Variants in DENND2B observed in about 807,000 individuals in gnomAD.
The protein encoded by DENND2B is DENN domain containing 2B, also known as DENN domain-containing protein 2B.
A neutral mutation model predicts 116.0 loss-of-function variants in DENND2B; 32 were observed. The observed-to-expected ratio is 0.28, with a 90% CI of 0.21 to 0.37. The LOEUF is 0.37. Among genes scored for constraint, DENND2B ranks in the 10% least tolerant of loss-of-function variants. The pLI is 1.00. For synonymous variants in DENND2B, 588 were observed against 583.9 expected, an observed-to-expected ratio of 1.01 and a Z score of -0.10; for missense variants, 1,276 against 1,477.7, an observed-to-expected ratio of 0.86 and a Z score of 2.24.
chr11:8,718,021 C>T (rs867517095), intron 4 of DENND2B, 129 bp from the exon 5 acceptor site: 43 of 1,034,478 alleles, frequency 4.2e-5, no homozygotes, highest in Middle Eastern at 2.4e-4. Context: ...CCCCTCAGCT[C>T]ATGAGTCATG....
upstream of DENND2B, among the ~76,000 whole-genome samples, chr11:8,874,664 T>G (rs182758282): frequency 6.6e-6 from 1 of 152,090 alleles, no homozygotes; most frequent in Non-Finnish European, 1.5e-5. Flanking sequence ...CTCATTCCTA[T>G]AATGCCATTA....
chr11:8,771,560 A>AGAGAGAGAGAGAGAGAGAGAGAGC (rs1173659150), intron 1 of DENND2B: 5 of 149,608 alleles, frequency 3.3e-5, no homozygotes, highest in Admixed American at 6.7e-5. Context: ...AGAGAGAGAG[A>AGAGAGAGAGAGAGAGAGAGAGAGC]GAGAGAGCCT....
intron 4 of DENND2B, among the ~76,000 whole-genome samples, chr11:8,825,833 G>A (rs2061957435): frequency 1.3e-5 from 2 of 152,136 alleles, no homozygotes; most frequent in African/African-American, 4.8e-5. Context: ...GTCAACTGAT[G>A]AGCAAATGTG....
intron 1 of DENND2B, among the ~76,000 whole-genome samples, chr11:8,885,472 A>G (rs2063950435): frequency 6.6e-6 from 1 of 152,190 alleles, no homozygotes; most frequent in Non-Finnish European, 1.5e-5. Context: ...ATCTTTCCAC[A>G]CCTCAAGCTT....
chr11:8,718,895 G>A (rs1399719598), intron 4 of DENND2B: 8 of 993,434 alleles, frequency 8.1e-6, no homozygotes, highest in Non-Finnish European at 9.6e-6. Context: ...CCATGGGCCG[G>A]GTCAGTCCTA....
rs1258045916 is a variant in DENND2B, at chr11:8,730,970, G to A, written c.320C>T (p.Ser107Leu). The change falls in exon 3 of 20, where the codon TCG becomes TTG. Residue 107 changes from serine (S) to leucine (L), a missense_variant. This residue lies in a region of DENND2B where 856 missense variants were observed against 846.6 expected (regional missense o/e 1.01). Coordinates refer to ENST00000313726, the MANE Select transcript of DENND2B (RefSeq NM_213618.2). This position sits in a 1 kb window ranked among gnomAD's most constrained non-coding sequence, Gnocchi z 4.1. ...ASFGYLDRSPSACKRDAQKES... is the reference protein window; with the variant it reads ...ASFGYLDRSPLACKRDAQKES... ...CTTTTGGGCGTCTCTCTTGCACGCC[G>A]AAGGGCTTCTGTCCAAATAACCGAA... The A allele has an allele frequency of 3.1e-6, 5 of 1,614,236 alleles. No individual in the cohort carries two copies. The highest frequency in any genetic ancestry group is 2.2e-5 in the East Asian group (1 of 44,866).
At chr11:8,738,474 CAG>C (rs2049527531) in intron 2 of DENND2B, among the ~76,000 whole-genome samples, 2 of 152,172 alleles carry the variant, frequency 1.3e-5, no homozygotes, top group South Asian at 2.1e-4. Flanking sequence ...GAGAAAAGGT[CAG>C]AGTTTGTTCC....
upstream of DENND2B, among the ~76,000 whole-genome samples, chr11:8,813,602 G>A (rs1267739390): frequency 6.6e-6 from 1 of 152,114 alleles, no homozygotes; most frequent in East Asian, 1.9e-4. Flanking sequence ...AGTAACATCA[G>A]TTAACACTTG....
At chr11:8,770,544 A>G (rs2056676803) in intron 1 of DENND2B, among the ~76,000 whole-genome samples, 2 of 152,200 alleles carry the variant, frequency 1.3e-5, no homozygotes, top group Non-Finnish European at 1.5e-5. Flanking sequence ...AGAATCCTCA[A>G]TTCCAAAGCT....
At chr11:8,779,233 G>C (rs575427109) in intron 1 of DENND2B, among the ~76,000 whole-genome samples, 21 of 152,222 alleles carry the variant, frequency 1.4e-4, no homozygotes, top group Non-Finnish European at 2.6e-4. Flanking sequence ...AGGACAAACA[G>C]TAGCTGGACA....
chr11:8,799,918 TTTATTATTATTA>T (rs143632896), intron 1 of DENND2B, among the ~76,000 whole-genome samples: 40,440 of 143,068 alleles, frequency 0.28, 7,312 homozygotes, highest in Non-Finnish European at 0.38. Context: ...TCACCATGTA[TTTATTATTATTA>T]TTATTATTAT....
At chr11:8,799,124 G>T (rs2060085300) in intron 1 of DENND2B, among the ~76,000 whole-genome samples, 1 of 152,100 alleles carries the variant, frequency 6.6e-6, no homozygotes, top group African/African-American at 2.4e-5. Context: ...ACCCTGCCCT[G>T]GTTGCTTTCT....
chr11:8,757,088 A>T (rs1207718957), intron 1 of DENND2B: 1 of 456,212 alleles, frequency 2.2e-6, no homozygotes, highest in Non-Finnish European at 4.4e-6. Flanking sequence ...AAACAGGCAC[A>T]GTCGCAGGCC....
chr11:8,755,447 G>A (rs531937518), intron 1 of DENND2B, among the ~76,000 whole-genome samples: 1 of 152,272 alleles, frequency 6.6e-6, no homozygotes, highest in East Asian at 1.9e-4. Context: ...CTTCGCATAA[G>A]CTCTCAGGGT....
intron 1 of DENND2B, among the ~76,000 whole-genome samples, chr11:8,903,433 A>G (rs960916962): frequency 2.0e-5 from 3 of 150,376 alleles, no homozygotes; most frequent in Non-Finnish European, 4.4e-5. Flanking sequence ...AAAAAAGGAT[A>G]TTACAAGTTG....
At chr11:8,848,513 T>C (rs948504168) in intron 3 of DENND2B, among the ~76,000 whole-genome samples, 1 of 152,214 alleles carries the variant, frequency 6.6e-6, no homozygotes, top group African/African-American at 2.4e-5. Context: ...CATTTAAATA[T>C]GACCTGAATA....
upstream of DENND2B, among the ~76,000 whole-genome samples, chr11:8,874,536 T>A (rs11042106): frequency 6.6e-6 from 1 of 151,996 alleles, no homozygotes; most frequent in Admixed American, 6.6e-5. Context: ...TAAGATTTTC[T>A]AGGAAGATTT....
At chr11:8,802,186 A>C (rs755127585) in intron 1 of DENND2B, among the ~76,000 whole-genome samples, 8 of 151,420 alleles carry the variant, frequency 5.3e-5, no homozygotes, top group Non-Finnish European at 1.2e-4. Context: ...CTGTAGTCCC[A>C]GCTACTTGGA....
At position 8,870,511 on chromosome 11, in the gene DENND2B, G is replaced by T. The variant is rs915832780; in HGVS notation, c.-250+443C>A. Among the ~76,000 whole-genome samples the T allele has an allele frequency of 3.7e-4, 21 of 57,232 alleles. No individual in the cohort carries two copies. In the Admixed American group the frequency reaches 4.0e-3, roughly 11 times the overall value. 37.5% of individuals were successfully genotyped at this position (57,232 alleles called of 152,430 possible). A position where few individuals can be genotyped will look rare whatever the true frequency, so the allele number is the denominator to read the frequency against. ...GTCTGTGTGTGTTGTGCGTGTGTAT[G>T]TGTGTGTGTGTGTGCGCGCGCGCGC... On this transcript the variant is annotated intron_variant, in intron 2 of 6. Transcript: ENST00000524757.
Sources: gnomAD v4.1 joint callset for allele counts (sites outside exome capture counted in the v4.1 genomes callset) on GRCh38, gnomAD v4.1.1 for gene constraint, gnomAD v4.1.1 regional missense constraint, Gnocchi (gnomAD v3.1) non-coding constraint, MANE v1.5 for transcripts, NCBI Gene and HGNC (gene_info 2026-07-23, HGNC 2026-07-21) for gene names.